DRC12: variants seen among roughly 807,000 people sequenced by gnomAD.
DRC12 encodes the protein dynein regulatory complex subunit 12 homolog, also known as dynein regulatory complex protein 12.
the DRC12 span, among the ~76,000 whole-genome samples, chr11:119,192,957 C>T: frequency 6.6e-6 from 1 of 152,120 alleles, no homozygotes; most frequent in Non-Finnish European, 1.5e-5. Context: ...CTCTTCTTTA[C>T]TTACAGCAGA....
At chr11:119,195,430 T>G in the DRC12 span, 1 of 1,551,378 alleles carries the variant, frequency 6.4e-7, no homozygotes, top group South Asian at 1.2e-5. Context: ...TCACCCCAGT[T>G]CTTTTTCTTC....
chr11:119,194,631 C>A, the DRC12 span, among the ~76,000 whole-genome samples: 1 of 151,158 alleles, frequency 6.6e-6, no homozygotes. Context: ...TGTTGCGGCC[C>A]AGGAGTTAGA....
chr11:119,194,978 G>A, the DRC12 span: 367 of 1,551,252 alleles, frequency 2.4e-4, no homozygotes, highest in African/African-American at 4.2e-3. Flanking sequence ...GCCTGGACTC[G>A]GCCACCACAT....
At chr11:119,193,924 G>A in the DRC12 span, 3 of 1,543,320 alleles carry the variant, frequency 1.9e-6, no homozygotes, top group African/African-American at 4.1e-5. Flanking sequence ...GACTGGCTGG[G>A]TCCCACTAAA....
the DRC12 span, among the ~76,000 whole-genome samples, chr11:119,194,621 T>C: frequency 4.0e-5 from 6 of 150,548 alleles, no homozygotes; most frequent in African/African-American, 1.5e-4. Context: ...GCGGGAAGAT[T>C]GTTGCGGCCC....
At chr11:119,195,576 C>G in the DRC12 span, 5 of 1,049,754 alleles carry the variant, frequency 4.8e-6, no homozygotes, top group Non-Finnish European at 5.7e-6. Flanking sequence ...AACCAGGAGA[C>G]TCTCCTGAGT....
chr11:119,191,156 G>A, the DRC12 span, among the ~76,000 whole-genome samples: 1 of 150,652 alleles, frequency 6.6e-6, no homozygotes, highest in African/African-American at 2.4e-5. Context: ...CTGGAGTGCA[G>A]TGGCGCGATC....
chr11:119,190,493 G>A, the DRC12 span: 2 of 1,611,442 alleles, frequency 1.2e-6, no homozygotes, highest in South Asian at 1.1e-5. This position sits in a 1 kb window ranked among gnomAD's most constrained non-coding sequence, Gnocchi z 4.2. Flanking sequence ...AGAGAGAGAG[G>A]GAAGGAGTGA....
chr11:119,191,387 C>T, the DRC12 span, among the ~76,000 whole-genome samples: 11 of 151,800 alleles, frequency 7.2e-5, no homozygotes, highest in East Asian at 3.9e-4. Context: ...TGTGAGCCAC[C>T]GCGGCTGGCT....
At chr11:119,195,008 T>C in the DRC12 span, 2 of 1,547,510 alleles carry the variant, frequency 1.3e-6, no homozygotes, top group African/African-American at 1.4e-5. Flanking sequence ...CGGTGGCAAG[T>C]GGCAGAGCCT....
chr11:119,190,397 C>A, the DRC12 span: 3 of 1,613,716 alleles, frequency 1.9e-6, no homozygotes, highest in African/African-American at 4.0e-5. The surrounding 1 kb of genome is among the most constrained non-coding windows in gnomAD (Gnocchi z 4.2). Flanking sequence ...CAGTGCTGCC[C>A]CATCCCACTG....
At chr11:119,190,258 G>A in the DRC12 span, 28 of 1,610,286 alleles carry the variant, frequency 1.7e-5, no homozygotes, top group African/African-American at 2.4e-4. The surrounding 1 kb of genome is among the most constrained non-coding windows in gnomAD (Gnocchi z 4.2). Context: ...GCTCTATTGA[G>A]TTCTACATCA....
At chr11:119,193,240 A>T in the DRC12 span, 2 of 1,613,902 alleles carry the variant, frequency 1.2e-6, no homozygotes, top group Non-Finnish European at 1.7e-6. Context: ...CTGGCGACTC[A>T]TCTCTGGGGT....
the DRC12 span, chr11:119,190,839 C>G: frequency 6.2e-7 from 1 of 1,611,366 alleles, no homozygotes; most frequent in Non-Finnish European, 8.5e-7. This position sits in a 1 kb window ranked among gnomAD's most constrained non-coding sequence, Gnocchi z 4.2. Flanking sequence ...TTTGGCATGC[C>G]TCTGGGGGCA....
chr11:119,193,742 C>T, the DRC12 span: 3 of 1,551,012 alleles, frequency 1.9e-6, no homozygotes, highest in Non-Finnish European at 2.6e-6. Context: ...TGTCTCCTGC[C>T]CACCTGCTTA....
chr11:119,190,642 G>A, the DRC12 span: 2 of 1,580,106 alleles, frequency 1.3e-6, no homozygotes, highest in Non-Finnish European at 1.7e-6. This position sits in a 1 kb window ranked among gnomAD's most constrained non-coding sequence, Gnocchi z 4.2. Flanking sequence ...CATCATACGA[G>A]CTGGGGTTTG....
chr11:119,191,975 G>A, the DRC12 span, among the ~76,000 whole-genome samples: 1 of 119,764 alleles, frequency 8.3e-6, no homozygotes, highest in African/African-American at 3.5e-5. Flanking sequence ...TAAACCGAAG[G>A]CCTTTTTTTT....
the DRC12 span, chr11:119,190,462 T>A: frequency 6.2e-7 from 1 of 1,613,840 alleles, no homozygotes; most frequent in Non-Finnish European, 8.5e-7. This position sits in a 1 kb window ranked among gnomAD's most constrained non-coding sequence, Gnocchi z 4.2. Context: ...CCTGCAGACA[T>A]CAATATTTCA....
At chr11:119,190,303 G>C in the DRC12 span, 2 of 1,614,054 alleles carry the variant, frequency 1.2e-6, no homozygotes, top group Non-Finnish European at 1.7e-6. The surrounding 1 kb of genome is among the most constrained non-coding windows in gnomAD (Gnocchi z 4.2). Flanking sequence ...GAGAACACTA[G>C]AGACTAGGGG....
Sources: gnomAD v4.1 joint callset for allele counts (sites outside exome capture counted in the v4.1 genomes callset) on GRCh38, gnomAD v4.1.1 for gene constraint, Gnocchi (gnomAD v3.1) non-coding constraint, MANE v1.5 for transcripts, NCBI Gene and HGNC (gene_info 2026-07-23, HGNC 2026-07-21) for gene names.